Variants in KCTD15 observed in about 807,000 individuals in gnomAD.
KCTD15 encodes BTB/POZ domain-containing protein KCTD15.
A neutral mutation model predicts 27.2 loss-of-function variants in KCTD15; 11 were observed. That is an observed-to-expected ratio of 0.41 (90% CI 0.25 to 0.67). The LOEUF (loss-of-function observed/expected upper bound fraction) is 0.67. Ranked by LOEUF, KCTD15 falls within the 30% of genes least tolerant of loss-of-function variation. The probability of loss-of-function intolerance (pLI) is 0.35; values close to 1 mark genes in which losing one functional copy is unlikely to be tolerated. For synonymous variants in KCTD15, 163 were observed against 176.0 expected (o/e 0.93, Z 0.58); for missense variants, 350 against 409.3 (o/e 0.86, Z 1.25).
At chr19:33,796,177 T>C (rs1401113218), upstream of KCTD15, 4 of 151,780 alleles carry the variant, frequency 2.6e-5, no homozygotes, top group Admixed American at 1.3e-4. Context: ...CGGGGAAATA[T>C]TACATCAGAT....
At chr19:33,811,950 C>A (rs1975939708) in intron 6 of KCTD15, 3 of 1,521,638 alleles carry the variant, frequency 2.0e-6, no homozygotes, top group Non-Finnish European at 2.6e-6. Flanking sequence ...CCCTGCTGAC[C>A]TGGGAGTCGC....
Position 33,806,847 on chromosome 19 carries a change from C to T in KCTD15, c.243-16C>T, listed in dbSNP as rs778192833. On this transcript the variant is annotated splice_polypyrimidine_tract_variant and intron_variant, in intron 4 of 6. Transcript: ENST00000683859. The stretch of plus-strand genomic sequence containing the variant: ...CCCCATCCCTTCAGACATCCCACCT[C>T]GCCTGTCTCTCCCAGGATAAGCCGC... 5.6e-6 allele frequency: 9 copies of T among 1,612,076 alleles called. No homozygotes were observed. Among genetic ancestry groups the T allele is most frequent in the Admixed American group, 1.7e-5 (1 of 59,932 alleles).
chr19:33,803,861 A>AT (rs1286586029), intron 4 of KCTD15, among the ~76,000 whole-genome samples: 5 of 152,042 alleles, frequency 3.3e-5, no homozygotes, highest in African/African-American at 1.2e-4. Flanking sequence ...AAAAAAGGAA[A>AT]TAAACGAGAA....
chr19:33,803,436 G>T (rs535563439), intron 4 of KCTD15, among the ~76,000 whole-genome samples: 4 of 152,332 alleles, frequency 2.6e-5, no homozygotes, highest in African/African-American at 9.6e-5. Flanking sequence ...AGAGTGCTGT[G>T]GTCCTCAGGG....
At chr19:33,811,632 A>G in intron 6 of KCTD15, 80 bp downstream of exon 6, 1 of 1,532,728 alleles carries the variant, frequency 6.5e-7, no homozygotes, top group South Asian at 1.3e-5. Context: ...AGCTGGAGGG[A>G]GGCGCGATCC....
At position 33,813,326 on chromosome 19, in the gene KCTD15, C is replaced by T. The variant is rs969996763; in HGVS notation, c.*378C>T. 11 of 517,358 alleles carry T rather than the reference C, an allele frequency of 2.1e-5. No homozygotes were observed. The highest frequency in any genetic ancestry group is 4.6e-5 in the South Asian group (3 of 64,872). The allele number at this position is 517,358 out of a possible 1,614,324, so 32.0% of individuals were successfully genotyped here. A position where few individuals can be genotyped will look rare whatever the true frequency, so the allele number is the denominator to read the frequency against. On this transcript the variant is annotated 3_prime_UTR_variant, in exon 7 of 7. Coordinates refer to ENST00000683859, the MANE Select transcript of KCTD15 (RefSeq NM_001129994.2). ...CCTCTCCACGCGGGGCAGACTCTGG[C>T]GGGTCTCCTAGCGTCCGAGAGATGG...
intron 4 of KCTD15, among the ~76,000 whole-genome samples, chr19:33,805,914 CAG>C (rs1343642984): frequency 6.6e-6 from 1 of 152,212 alleles, no homozygotes; most frequent in Non-Finnish European, 1.5e-5. Flanking sequence ...GGACAGGCAT[CAG>C]GGGCTCCCCA....
At chr19:33,810,060 C>T (rs1004329097) in intron 5 of KCTD15, among the ~76,000 whole-genome samples, 60 of 152,184 alleles carry the variant, frequency 3.9e-4, no homozygotes, top group African/African-American at 1.4e-3. Flanking sequence ...GACTTAGGGC[C>T]TGTAGGTCAG....
Position 33,811,291 on chromosome 19 carries a change from G to T in KCTD15, c.432G>T (p.Gln144His). The T allele has an allele frequency of 6.5e-7, 1 of 1,543,122 alleles. No individual in the cohort carries two copies. Among genetic ancestry groups the T allele is most frequent in the Non-Finnish European group, 8.7e-7 (1 of 1,143,776 alleles). ...LYEEARYYQL[Q>H]PMVRELERWQ... Reference sequence around the variant, plus strand: ...AGGAGGCGCGCTACTATCAGCTCCAGCCCATGGTGCGCGAGCTGGAGCGCT... The same window carrying T: ...AGGAGGCGCGCTACTATCAGCTCCATCCCATGGTGCGCGAGCTGGAGCGCT... The change falls in exon 6 of 7, where the codon CAG becomes CAT. Residue 144 changes from glutamine (Q) to histidine (H), a missense_variant. This residue lies in a region of KCTD15 where 219 missense variants were observed against 234.9 expected (regional missense o/e 0.93). Transcript: ENST00000683859.
At chr19:33,811,728 G>T in intron 6 of KCTD15, 176 bp downstream of exon 6, 1 of 1,565,512 alleles carries the variant, frequency 6.4e-7, no homozygotes, top group Non-Finnish European at 8.7e-7. Flanking sequence ...ATAATTAAAT[G>T]ATGGCGCCTG....
chr19:33,796,686 C>G (rs1424651656), upstream of KCTD15, among the ~76,000 whole-genome samples: 1 of 145,068 alleles, frequency 6.9e-6, no homozygotes, highest in African/African-American at 2.6e-5. Context: ...GGAGGGCAGC[C>G]GGAGAGCGGC....
In KCTD15 at chr19:33,813,026, C is replaced by A; in HGVS notation, c.*78C>A. ...GGGAGTTCTGCCTGTGTATACTTGG[C>A]CGTGGGCATGAGACCGAGGGTGAGG... On this transcript the variant is annotated 3_prime_UTR_variant, in exon 7 of 7. Transcript: ENST00000683859. The A allele has an allele frequency of 7.0e-7, 1 of 1,426,506 alleles. No individual in the cohort carries two copies. Among genetic ancestry groups the A allele is most frequent in the Non-Finnish European group, 9.5e-7 (1 of 1,050,142 alleles). 88.4% of individuals were successfully genotyped at this position (1,426,506 alleles called of 1,614,324 possible).
Position 33,811,606 on chromosome 19 carries a change from C to G in KCTD15, c.693+54C>G, listed in dbSNP as rs776065088. 4 of 1,565,438 alleles carry G rather than the reference C, an allele frequency of 2.6e-6. No individual in the cohort carries two copies. In the South Asian group the frequency reaches 4.8e-5, roughly 19 times the overall value. The stretch of plus-strand genomic sequence containing the variant: ...CCGCACCCCCGGCGTCCGCGGAGCC[C>G]TCCAGGGGCAGAGTGAGCTGGAGGG... On this transcript the variant is annotated intron_variant, in intron 6 of 6. Coordinates refer to ENST00000683859, the MANE Select transcript of KCTD15 (RefSeq NM_001129994.2).
intron 4 of KCTD15, among the ~76,000 whole-genome samples, chr19:33,802,824 C>T (rs908980018): frequency 1.3e-5 from 2 of 152,272 alleles, no homozygotes; most frequent in African/African-American, 2.4e-5. Flanking sequence ...TTGCCCACAA[C>T]CCTCTCTGAA....
At position 33,806,977 on chromosome 19, in the gene KCTD15, G is replaced by A. The variant is rs139417360; in HGVS notation, c.357G>A (p.Thr119=). The change falls in exon 5 of 7, where the codon ACG becomes ACA. Residue 119 remains threonine, a synonymous_variant. Coordinates refer to ENST00000683859, the MANE Select transcript of KCTD15 (RefSeq NM_001129994.2). The stretch of plus-strand genomic sequence containing the variant: ...GCTACGTCCTGAGCTTCCTGCGGAC[G>A]TCCAAGCTGCTGCTTCCGGATGACT... ...IFRYVLSFLR[T]SKLLLPDDFK... 222 of 1,614,116 alleles carry A rather than the reference G, an allele frequency of 1.4e-4. 1 individual carries two copies. Among genetic ancestry groups the A allele is most frequent in the Admixed American group, 3.5e-4 (21 of 60,012 alleles).
chr19:33,806,935 G>T lies in KCTD15; in HGVS notation c.315G>T (p.Arg105=), dbSNP rs1212844664. The T allele has an allele frequency of 6.2e-7, 1 of 1,614,184 alleles. No homozygotes were observed. Among genetic ancestry groups the T allele is most frequent in the South Asian group, 1.1e-5 (1 of 91,084 alleles). Residue 105 remains arginine, a synonymous_variant, in exon 5 of 7, where the codon CGG becomes CGT. Transcript: ENST00000683859. The part of the protein sequence containing the change: ...DSLKQHYFID[R]DGEIFRYVLS... Reference sequence around the variant, plus strand: ...TGAAGCAACATTATTTCATTGACCGGGATGGGGAGATTTTCCGCTACGTCC... The same window carrying T: ...TGAAGCAACATTATTTCATTGACCGTGATGGGGAGATTTTCCGCTACGTCC...
Position 33,800,511 on chromosome 19 carries a change from C to G in KCTD15, c.57C>G (p.Thr19=). 1 of 1,596,342 alleles carries G rather than the reference C, an allele frequency of 6.3e-7. No homozygotes were observed. The highest frequency in any genetic ancestry group is 8.5e-7 in the Non-Finnish European group (1 of 1,172,708). Residue 19 remains threonine (T), a synonymous_variant, in exon 3 of 7, where the codon ACC becomes ACG. Transcript: ENST00000683859. ...SGSSLHTHGS[T]GTAEGGNMSR... is the part of the protein sequence containing the mutation. ...CCTCGCTTCACACACACGGCAGCAC[C>G]GGCACCGCGGTGAGCCTGCAGGGTG...
At chr19:33,807,945 CAA>C (rs60779290) in intron 5 of KCTD15, among the ~76,000 whole-genome samples, 18 of 135,816 alleles carry the variant, frequency 1.3e-4, no homozygotes, top group African/African-American at 3.2e-4. Flanking sequence ...GACTCTGTCT[CAA>C]AAAAAAAAAA....
intron 5 of KCTD15, among the ~76,000 whole-genome samples, chr19:33,810,206 C>T (rs1043914665): frequency 1.2e-4 from 18 of 152,266 alleles, no homozygotes; most frequent in African/African-American, 2.4e-4. Context: ...CCAGTATCAG[C>T]GCCTGAGGGA....
Sources: allele counts gnomAD v4.1 joint callset (sites outside exome capture counted in the v4.1 genomes callset), GRCh38; gene constraint gnomAD v4.1.1; regional missense constraint gnomAD v4.1.1; transcripts MANE v1.5; gene names NCBI Gene and HGNC (gene_info 2026-07-23, HGNC 2026-07-21).